PIK3C2G: variants seen among roughly 807,000 people sequenced by gnomAD.
The protein encoded by PIK3C2G is phosphatidylinositol-4-phosphate 3-kinase catalytic subunit type 2 gamma, also known as phosphatidylinositol 3-kinase C2 domain-containing subunit gamma.
Under a neutral mutation model 181.1 loss-of-function variants are expected in PIK3C2G, and 168 were observed. The observed-to-expected ratio is 0.93, with a 90% CI of 0.82 to 1.05. The LOEUF (loss-of-function observed/expected upper bound fraction) is 1.05, where lower values mean the gene tolerates loss of function less well. Among genes scored for constraint, PIK3C2G ranks in the 50% least tolerant of loss-of-function variants. PIK3C2G has a pLI of 0.00. For synonymous variants in PIK3C2G, 573 were observed against 592.2 expected (o/e 0.97, Z 0.47); for missense variants, 1,869 against 1,732.8 (o/e 1.08, Z -1.40).
At chr12:18,714,409 A>T in the PIK3C2G span, among the ~76,000 whole-genome samples, 1 of 152,176 alleles carries the variant, frequency 6.6e-6, no homozygotes, top group Non-Finnish European at 1.5e-5. Flanking sequence ...ACATAAACTG[A>T]CTGTTAGTAA....
At chr12:18,312,806 A>G (rs1950695722) in intron 5 of PIK3C2G, among the ~76,000 whole-genome samples, 1 of 152,140 alleles carries the variant, frequency 6.6e-6, no homozygotes, top group Non-Finnish European at 1.5e-5. Context: ...AAGTTTTTTA[A>G]GTATTAAAAA....
intron 29 of PIK3C2G, among the ~76,000 whole-genome samples, chr12:18,593,139 C>T (rs1592667647): frequency 6.6e-6 from 1 of 151,924 alleles, no homozygotes; most frequent in Admixed American, 6.6e-5. Context: ...ATAAAGACAC[C>T]AGTCAATTGG....
the PIK3C2G span, among the ~76,000 whole-genome samples, chr12:18,669,705 T>TAG: frequency 3.8e-4 from 58 of 152,148 alleles, no homozygotes; most frequent in African/African-American, 1.3e-3. Flanking sequence ...TCACCCAGGC[T>TAG]AGAGTCCAGA....
intron 18 of PIK3C2G, among the ~76,000 whole-genome samples, chr12:18,448,225 A>G (rs1373453851): frequency 6.6e-6 from 1 of 152,078 alleles, no homozygotes; most frequent in Non-Finnish European, 1.5e-5. Context: ...CAGTTTGTGT[A>G]TGTTTTGTAA....
At chr12:18,462,648 A>C (rs1264715243) in intron 18 of PIK3C2G, among the ~76,000 whole-genome samples, 3 of 152,146 alleles carry the variant, frequency 2.0e-5, no homozygotes, top group Non-Finnish European at 4.4e-5. Flanking sequence ...TGTTGTTGTT[A>C]GGCTGCAAGA....
intron 26 of PIK3C2G, among the ~76,000 whole-genome samples, chr12:18,548,552 A>G (rs961984049): frequency 4.6e-5 from 7 of 151,962 alleles, no homozygotes; most frequent in African/African-American, 1.7e-4. Context: ...GCCTACGGTG[A>G]CCTATCTCCC....
chr12:18,643,851 A>G (rs1204141651), intron 32 of PIK3C2G, among the ~76,000 whole-genome samples: 1 of 151,840 alleles, frequency 6.6e-6, no homozygotes, highest in Non-Finnish European at 1.5e-5. Flanking sequence ...ACCACTCACC[A>G]CAGCTGGGAT....
chr12:18,347,026 T>C (rs1265345480), intron 11 of PIK3C2G, among the ~76,000 whole-genome samples, 190 bp downstream of exon 11: 2 of 152,250 alleles, frequency 1.3e-5, no homozygotes, highest in Non-Finnish European at 2.9e-5. Flanking sequence ...TTAATTTTCT[T>C]TCTTCTTCCA....
chr12:18,405,783 T>C (rs1262461209), intron 16 of PIK3C2G, among the ~76,000 whole-genome samples: 1 of 152,192 alleles, frequency 6.6e-6, no homozygotes, highest in Non-Finnish European at 1.5e-5. Flanking sequence ...TGTATATATT[T>C]ATGTGGTACA....
At chr12:18,365,339 GC>G (rs1245023921) in intron 12 of PIK3C2G, among the ~76,000 whole-genome samples, 1 of 152,122 alleles carries the variant, frequency 6.6e-6, no homozygotes, top group Non-Finnish European at 1.5e-5. Context: ...TCTTTTCTCT[GC>G]TTTGTAGTGA....
the PIK3C2G span, chr12:18,705,345 C>A: frequency 6.2e-7 from 1 of 1,611,284 alleles, no homozygotes; most frequent in Non-Finnish European, 8.5e-7. Flanking sequence ...TATGGTTATT[C>A]ATCAAAACTT....
intron 1 of PIK3C2G, among the ~76,000 whole-genome samples, chr12:18,255,771 A>G (rs1204519384): frequency 6.6e-6 from 1 of 152,220 alleles, no homozygotes; most frequent in East Asian, 1.9e-4. Context: ...AATACTGTGG[A>G]ACAACTTGCA....
At chr12:18,499,821 A>T (rs531231691) in intron 22 of PIK3C2G, among the ~76,000 whole-genome samples, 2 of 152,388 alleles carry the variant, frequency 1.3e-5, no homozygotes, top group East Asian at 3.9e-4. Flanking sequence ...TTAAAGTGTG[A>T]ACCACAGACC....
intron 24 of PIK3C2G, among the ~76,000 whole-genome samples, chr12:18,525,333 A>C (rs904110531): frequency 1.3e-5 from 2 of 152,106 alleles, no homozygotes; most frequent in African/African-American, 2.4e-5. Context: ...CAGAGTTTGC[A>C]GTGAACCAAG....
intron 18 of PIK3C2G, among the ~76,000 whole-genome samples, chr12:18,440,107 T>C (rs1251973877): frequency 2.0e-5 from 3 of 152,088 alleles, no homozygotes; most frequent in African/African-American, 4.8e-5. Flanking sequence ...AAAATTAGAA[T>C]AATAATATTT....
chr12:18,698,315 C>T, the PIK3C2G span, among the ~76,000 whole-genome samples: 2 of 151,734 alleles, frequency 1.3e-5, no homozygotes, highest in African/African-American at 4.9e-5. Context: ...CCATCCCATT[C>T]CATTCTACTC....
the PIK3C2G span, chr12:18,699,872 G>A: frequency 6.2e-7 from 1 of 1,612,816 alleles, no homozygotes; most frequent in Non-Finnish European, 8.5e-7. Flanking sequence ...AATCTTGAAT[G>A]TTGAAAGCTT....
intron 3 of PIK3C2G, among the ~76,000 whole-genome samples, 185 bp downstream of exon 3, chr12:18,287,114 T>C (rs953212762): frequency 8.5e-5 from 13 of 152,214 alleles, no homozygotes; most frequent in African/African-American, 2.4e-5. Context: ...GTTTTTGTTG[T>C]TTATAGTCAA....
intron 18 of PIK3C2G, among the ~76,000 whole-genome samples, chr12:18,446,733 A>G (rs1341244156): frequency 6.6e-6 from 1 of 152,206 alleles, no homozygotes; most frequent in Non-Finnish European, 1.5e-5. Context: ...CATGCACAAA[A>G]GCATAGTTAG....
Sources: allele counts gnomAD v4.1 joint callset (sites outside exome capture counted in the v4.1 genomes callset), GRCh38; gene constraint gnomAD v4.1.1; transcripts MANE v1.5; gene names NCBI Gene and HGNC (gene_info 2026-07-23, HGNC 2026-07-21).